The following HDAC4 variants were observed in gnomAD, a reference collection of about 807,000 sequenced individuals.
The protein encoded by HDAC4 is histone deacetylase 4, also known as histone deacetylase A.
In HDAC4, 16 loss-of-function variants were observed where a neutral mutation model predicts 135.1. The observed-to-expected ratio is 0.12, with a 90% CI of 0.08 to 0.18. The LOEUF is 0.18. Among genes scored for constraint, HDAC4 ranks in the 10% least tolerant of loss-of-function variants. The pLI, the probability that HDAC4 is intolerant of heterozygous loss-of-function variation, is 1.00. For synonymous variants in HDAC4, 685 were observed against 653.4 expected (o/e 1.05, Z -0.74); for missense variants, 1,143 against 1,511.8 (o/e 0.76, Z 4.05).
chr2:239,286,100 CT>C (rs1176416819), intron 2 of HDAC4, among the ~76,000 whole-genome samples: 3 of 152,202 alleles, frequency 2.0e-5, no homozygotes, highest in African/African-American at 7.2e-5. Context: ...TTCAAAGAAT[CT>C]CTTAATGCTT....
chr2:239,161,209 G>A (rs996027805), intron 6 of HDAC4, among the ~76,000 whole-genome samples: 3 of 152,142 alleles, frequency 2.0e-5, no homozygotes, highest in Non-Finnish European at 4.4e-5. Context: ...TAAGATATAC[G>A]CATTGTGAAT....
intron 2 of HDAC4, among the ~76,000 whole-genome samples, chr2:239,244,242 A>T (rs1389906675): frequency 6.6e-6 from 1 of 152,218 alleles, no homozygotes; most frequent in Non-Finnish European, 1.5e-5. Context: ...GTCTGGGGCA[A>T]AAGGACTTGT....
Position 239,352,716 on chromosome 2 carries a change from T to C in HDAC4, c.-17A>G. 1.3e-6 allele frequency: 2 copies of C among 1,555,858 alleles called. No homozygotes were observed. The highest frequency in any genetic ancestry group is 1.7e-6 in the Non-Finnish European group (2 of 1,148,556). ...GGAGCTCATTGCTAGCAATGTCCAC[T>C]CCTTTAAGTGATTCGAAATGGCTCA... On this transcript the variant is annotated 5_prime_UTR_variant, in exon 2 of 27. Transcript: ENST00000543185. This position sits in a 1 kb window ranked among gnomAD's most constrained non-coding sequence, Gnocchi z 4.4.
intron 11 of HDAC4, among the ~76,000 whole-genome samples, chr2:239,129,573 C>T (rs186875648): frequency 7.0e-4 from 107 of 152,298 alleles, no homozygotes; most frequent in African/African-American, 2.4e-3. Flanking sequence ...GGCAGAAGCC[C>T]TTCCCTGTGC....
At chr2:239,093,256 G>T (rs951774049) in intron 17 of HDAC4, among the ~76,000 whole-genome samples, 1 of 152,204 alleles carries the variant, frequency 6.6e-6, no homozygotes, top group African/African-American at 2.4e-5. Context: ...AAGCCCCACT[G>T]TTCTGCCTCC....
chr2:239,182,092 A>C (rs562439439), intron 4 of HDAC4, among the ~76,000 whole-genome samples: 17 of 152,260 alleles, frequency 1.1e-4, no homozygotes, highest in African/African-American at 3.8e-4. Flanking sequence ...GGGGACCCGG[A>C]GCTGTGTACA....
At position 239,176,456 on chromosome 2, in the gene HDAC4, C is replaced by T. The variant is rs2043779118; in HGVS notation, c.447G>A (p.Glu149=). 3 of 1,613,026 alleles carry T rather than the reference C, an allele frequency of 1.9e-6. No homozygotes were observed. Reference sequence around the variant, plus strand: ...TGTTCTTGAGCTGCTGCAGCTTCTGCTCCCGGTGCTGCTTCTCCAGCTCCT... The same window carrying T: ...TGTTCTTGAGCTGCTGCAGCTTCTGTTCCCGGTGCTGCTTCTCCAGCTCCT... ...QEQELEKQHR[E]QKLQQLKNKE... is the part of the protein sequence containing the mutation. The change falls in exon 5 of 27, where the codon GAG becomes GAA. Residue 149 remains glutamate (E), a synonymous_variant. Transcript: ENST00000543185.
chr2:239,162,126 A>C (rs775659088), intron 6 of HDAC4: 7 of 456,622 alleles, frequency 1.5e-5, no homozygotes, highest in Non-Finnish European at 2.6e-5. Context: ...GCTTCCCAGC[A>C]GCCCCACTGC....
intron 1 of HDAC4, among the ~76,000 whole-genome samples, chr2:239,365,786 G>T (rs768539456): frequency 2.7e-5 from 4 of 150,086 alleles, no homozygotes; most frequent in Non-Finnish European, 5.9e-5. Flanking sequence ...CGCATGCACA[G>T]ACCAGGGTCG....
chr2:239,229,740 T>C (rs1324719867), intron 3 of HDAC4, among the ~76,000 whole-genome samples: 1 of 152,108 alleles, frequency 6.6e-6, no homozygotes, highest in African/African-American at 2.4e-5. Flanking sequence ...GATGTCAGCA[T>C]AAAAAAATGT....
At chr2:239,292,742 G>A (rs1057110991) in intron 2 of HDAC4, among the ~76,000 whole-genome samples, 7 of 152,132 alleles carry the variant, frequency 4.6e-5, no homozygotes, top group Middle Eastern at 3.4e-3. Context: ...TGTTTGGAAG[G>A]GGGGTGATGG....
At chr2:239,317,261 G>C (rs1321296212) in intron 2 of HDAC4, among the ~76,000 whole-genome samples, 1 of 152,100 alleles carries the variant, frequency 6.6e-6, no homozygotes, top group Non-Finnish European at 1.5e-5. Context: ...AGGCCAGCCG[G>C]TGGCCTTTGT....
At chr2:239,345,290 C>T (rs187122655) in intron 2 of HDAC4, among the ~76,000 whole-genome samples, 281 of 152,276 alleles carry the variant, frequency 1.8e-3, no homozygotes, top group Non-Finnish European at 3.2e-3. Flanking sequence ...TGGCTCATAC[C>T]TGTAATCCAG....
chr2:239,320,055 T>G lies in HDAC4; in HGVS notation c.22+32623A>C, dbSNP rs2053254678. 2.0e-5 allele frequency among the ~76,000 whole-genome samples: 3 copies of G among 152,116 alleles called. No individual in the cohort carries two copies. The South Asian group carries it at 6.2e-4, about 31-fold the overall frequency. ...TTAATTAGAGATTTATAATTAAAAT[T>G]TAAAATAAATGCGTGTGGAGGGGAT... On this transcript the variant is annotated intron_variant, in intron 2 of 26. Transcript: ENST00000543185.
Position 239,190,017 on chromosome 2 carries a change from C to A in HDAC4, c.155G>T (p.Arg52Leu), listed in dbSNP as rs777568201. Reference protein sequence around the residue: ...VAPSAVPMDLRLDHQFSLPVA... With the variant: ...VAPSAVPMDLLLDHQFSLPVA... ...AGGCAGTGAGAACTGGTGGTCCAGG[C>A]GCAGGTCCATGGGCACTGCCGAGGG... The change falls in exon 4 of 27, where the codon CGC becomes CTC. Residue 52 changes from arginine (R) to leucine (L), a missense_variant. Coordinates refer to ENST00000543185, the MANE Select transcript of HDAC4 (RefSeq NM_001378414.1). 7 of 1,605,134 alleles carry A rather than the reference C, an allele frequency of 4.4e-6. No individual in the cohort carries two copies. The highest frequency in any genetic ancestry group is 4.5e-5 in the East Asian group (2 of 44,812).
chr2:239,286,749 G>T (rs1487815270), intron 2 of HDAC4, among the ~76,000 whole-genome samples: 1 of 152,078 alleles, frequency 6.6e-6, no homozygotes, highest in Non-Finnish European at 1.5e-5. Flanking sequence ...AGACAAGGAA[G>T]GAGCGGCTGC....
intron 4 of HDAC4, among the ~76,000 whole-genome samples, chr2:239,178,477 G>C (rs377263188): frequency 6.6e-6 from 1 of 152,122 alleles, no homozygotes; most frequent in African/African-American, 2.4e-5. Flanking sequence ...CGAACTCCTG[G>C]GCTCAAGCCA....
At position 239,134,250 on chromosome 2, in the gene HDAC4, A is replaced by G. The variant is rs761561741; in HGVS notation, c.1289T>C (p.Val430Ala). The change falls in exon 11 of 27, where the codon GTC becomes GCC. Residue 430 changes from valine to alanine, a missense_variant. Val to Ala is a moderately conservative substitution (Grantham distance 64). Around this residue, in one of 9 missense-constraint regions of HDAC4, gnomAD observed 272 missense variants for 309.7 expected, o/e 0.88. Transcript: ENST00000543185. ...CCAGGCCCATTTGTGCTCACCTGTG[A>G]CGAGGGGTGCTTGTGCCGGCGGCTG... ...LEQPPAQAPLVTDWYLSGLGA... is the reference protein window; with the variant it reads ...LEQPPAQAPLATDWYLSGLGA... 6.2e-7 allele frequency: 1 copy of G among 1,610,500 alleles called. No individual in the cohort carries two copies. The highest frequency in any genetic ancestry group is 8.5e-7 in the Non-Finnish European group (1 of 1,179,844).
chr2:239,053,228 C>A, intron 26 of HDAC4, 92 bp from the exon 27 acceptor site: 1 of 1,503,252 alleles, frequency 6.7e-7, no homozygotes, highest in Non-Finnish European at 9.2e-7. Context: ...CTGTGTGCTG[C>A]CCCACCCGCC....
Sources: gnomAD v4.1 joint callset for allele counts (sites outside exome capture counted in the v4.1 genomes callset) on GRCh38, gnomAD v4.1.1 for gene constraint, gnomAD v4.1.1 regional missense constraint, Gnocchi (gnomAD v3.1) non-coding constraint, MANE v1.5 for transcripts, NCBI Gene and HGNC (gene_info 2026-07-23, HGNC 2026-07-21) for gene names.